INO80: variants seen among roughly 807,000 people sequenced by gnomAD.
INO80 encodes the protein chromatin-remodeling ATPase INO80.
A neutral mutation model predicts 203.4 loss-of-function variants in INO80; 20 were observed. That is an observed-to-expected ratio of 0.10 (90% CI 0.07 to 0.14). INO80 has a LOEUF of 0.14. INO80 is among the 10% of genes least tolerant of loss of function. The pLI is 1.00. For missense variants in INO80, 1,419 were observed against 1,914.4 expected (o/e 0.74, Z 4.83); for synonymous variants, 726 against 685.2 (o/e 1.06, Z -0.93).
intron 1 of INO80, 100 bp downstream of exon 1, chr15:41,115,873 G>C: frequency 5.3e-6 from 2 of 374,396 alleles, no homozygotes; most frequent in East Asian, 7.8e-5. Context: ...GGGGGCGACG[G>C]CCCCTTTAAG....
intron 29 of INO80, among the ~76,000 whole-genome samples, chr15:40,997,098 A>T (rs1372067913): frequency 6.6e-6 from 1 of 151,938 alleles, no homozygotes; most frequent in African/African-American, 2.4e-5. Context: ...GCAACATGGC[A>T]AAACCCCATC....
chr15:41,052,872 A>T (rs2044905882), intron 19 of INO80, among the ~76,000 whole-genome samples: 1 of 151,096 alleles, frequency 6.6e-6, no homozygotes, highest in Admixed American at 6.6e-5. Flanking sequence ...AAAAAAAAAA[A>T]AAATACAAAA....
chr15:40,988,684 A>G (rs1468309363), intron 29 of INO80, among the ~76,000 whole-genome samples: 2 of 152,208 alleles, frequency 1.3e-5, no homozygotes, highest in African/African-American at 2.4e-5. Flanking sequence ...GTTAGAGACC[A>G]GCCTGGCCAA....
chr15:41,092,254 C>T, intron 4 of INO80, 72 bp from the exon 5 acceptor site: 1 of 1,314,372 alleles, frequency 7.6e-7, no homozygotes, highest in Non-Finnish European at 1.0e-6. Flanking sequence ...GCATTTTTTC[C>T]TAGATCCAAA....
chr15:40,987,727 G>A, intron 30 of INO80, 89 bp downstream of exon 30: 4 of 1,234,758 alleles, frequency 3.2e-6, no homozygotes, highest in Non-Finnish European at 4.5e-6. Flanking sequence ...TGAAAGGCAA[G>A]AGAGTTTTAA....
intron 16 of INO80, among the ~76,000 whole-genome samples, chr15:41,057,917 A>C (rs1403705366): frequency 6.6e-6 from 1 of 151,894 alleles, no homozygotes; most frequent in Non-Finnish European, 1.5e-5. Flanking sequence ...ACTCACCATG[A>C]GTTAATAAAA....
At chr15:40,994,801 C>T (rs757730567) in intron 29 of INO80, among the ~76,000 whole-genome samples, 63 of 152,332 alleles carry the variant, frequency 4.1e-4, no homozygotes, top group Middle Eastern at 3.4e-3. Flanking sequence ...CCTAAAACAA[C>T]GCTGGGCCCT....
In INO80 at chr15:41,048,221, G is replaced by A; in HGVS notation, c.2632C>T (p.His878Tyr). Residue 878 changes from histidine to tyrosine, a missense_variant, in exon 22 of 36, where the codon CAC becomes TAC. Around this residue, in one of 9 missense-constraint regions of INO80, gnomAD observed 302 missense variants for 345.4 expected, o/e 0.87. Transcript: ENST00000648947. ...APDYIQRSLFHRKGINEESCF... is the reference protein window; with the variant it reads ...APDYIQRSLFYRKGINEESCF... ...AGATCAAAACACCTACCTTTTCTGT[G>A]AAAGAGAGACCGTTGGATATAGTCT... 1 of 1,612,468 alleles carries A rather than the reference G, an allele frequency of 6.2e-7. No individual in the cohort carries two copies. Among genetic ancestry groups the A allele is most frequent in the Non-Finnish European group, 8.5e-7 (1 of 1,178,770 alleles).
intron 26 of INO80, chr15:41,017,007 CA>C (rs1247861777): frequency 6.6e-6 from 1 of 151,260 alleles, no homozygotes; most frequent in African/African-American, 2.4e-5. Context: ...TTTTTAAACC[CA>C]AAACTAGCTC....
chr15:41,078,130 C>A (rs2045432851), intron 9 of INO80, among the ~76,000 whole-genome samples: 1 of 151,910 alleles, frequency 6.6e-6, no homozygotes, highest in Admixed American at 6.6e-5. Context: ...GAACTCCTGA[C>A]CTTGTGATCC....
intron 1 of INO80, among the ~76,000 whole-genome samples, chr15:41,113,380 C>A (rs1170455777): frequency 6.6e-6 from 1 of 152,050 alleles, no homozygotes; most frequent in African/African-American, 2.4e-5. Context: ...GATTCTCCTG[C>A]CTCAGCCTCC....
intron 1 of INO80, among the ~76,000 whole-genome samples, chr15:41,112,417 T>G (rs943706459): frequency 1.3e-5 from 2 of 152,200 alleles, no homozygotes; most frequent in East Asian, 1.9e-4. Flanking sequence ...CTGATATTAG[T>G]GCCTATGCCC....
At position 40,980,227 on chromosome 15, in the gene INO80, C is replaced by T. The variant is rs144180730; in HGVS notation, c.4667G>A (p.Arg1556Gln). The T allele has an allele frequency of 3.7e-6, 6 of 1,612,302 alleles. No homozygotes were observed. The highest frequency in any genetic ancestry group is 3.3e-5 in the South Asian group (3 of 91,008). The part of the protein sequence containing the change: ...QGKGTNPSGG[R>Q] ...GAAGTCGGAGGGCCCAGATGGTTAC[C>T]GTCCTCCAGAGGGGTTGGTGCCTTT... Residue 1556 changes from arginine (R) to glutamine (Q), a missense_variant, in exon 36 of 36, where the codon CGG becomes CAG. Transcript: ENST00000648947.
At chr15:41,023,759 ACT>A (rs1191451812) in intron 25 of INO80, among the ~76,000 whole-genome samples, 1 of 98,020 alleles carries the variant, frequency 1.0e-5, no homozygotes, top group Non-Finnish European at 1.8e-5. Flanking sequence ...ACAGAGTGAG[ACT>A]CTGTCTCAAA....
intron 6 of INO80, among the ~76,000 whole-genome samples, chr15:41,087,088 TG>T (rs2045574108): frequency 6.6e-6 from 1 of 151,788 alleles, no homozygotes; most frequent in South Asian, 2.1e-4. Context: ...TTCCTATCTG[TG>T]GGTTCCACAT....
At chr15:41,041,597 C>T (rs569031078) in intron 24 of INO80, among the ~76,000 whole-genome samples, 89 of 151,216 alleles carry the variant, frequency 5.9e-4, no homozygotes, top group African/African-American at 2.0e-3. Flanking sequence ...CACACCGCCA[C>T]GCCCAGCTAA....
intron 34 of INO80, among the ~76,000 whole-genome samples, 189 bp downstream of exon 34, chr15:40,983,573 A>G (rs1893914721): frequency 6.6e-6 from 1 of 152,228 alleles, no homozygotes; most frequent in Admixed American, 6.5e-5. Flanking sequence ...GGGGATGACT[A>G]GAAAAGTTTT....
intron 24 of INO80, among the ~76,000 whole-genome samples, chr15:41,034,663 GCTTTAGT>G (rs1175576026): frequency 6.6e-6 from 1 of 152,188 alleles, no homozygotes; most frequent in East Asian, 1.9e-4. Context: ...CTCCAAAGGA[GCTTTAGT>G]CTAAAATATT....
In INO80 at chr15:40,982,983, T is replaced by C. The variant is rs979756479; in HGVS notation, c.4332A>G (p.Ala1444=). The C allele has an allele frequency of 6.2e-7, 1 of 1,614,064 alleles. No homozygotes were observed. The highest frequency in any genetic ancestry group is 1.3e-5 in the African/African-American group (1 of 74,942). Residue 1444 remains alanine (A), a synonymous_variant, in exon 35 of 36, where the codon GCA becomes GCG. Transcript: ENST00000648947. ...PKGSGSTAKG[A]GKGRSRKSTA... is the part of the protein sequence containing the mutation. ...TGGACTTTCGGCTCCGGCCCTTCCC[T>C]GCTCCTTTGGCTGTGCTTCCTGAAC...
Sources: gnomAD v4.1 joint callset for allele counts (sites outside exome capture counted in the v4.1 genomes callset) on GRCh38, gnomAD v4.1.1 for gene constraint, gnomAD v4.1.1 regional missense constraint, MANE v1.5 for transcripts, NCBI Gene and HGNC (gene_info 2026-07-23, HGNC 2026-07-21) for gene names.